The following FOXP2 variants were observed in gnomAD, a reference collection of about 807,000 sequenced individuals.
The protein encoded by FOXP2 is forkhead box P2.
In FOXP2, 12 loss-of-function variants were observed where a neutral mutation model predicts 115.8. The observed-to-expected ratio is 0.10, with a 90% CI of 0.07 to 0.17. The LOEUF is 0.17. Ranked by LOEUF, FOXP2 falls within the 10% of genes least tolerant of loss-of-function variation. The probability of loss-of-function intolerance (pLI) is 1.00; values close to 1 mark genes in which losing one functional copy is unlikely to be tolerated. For synonymous variants in FOXP2, 328 were observed against 297.7 expected, an observed-to-expected ratio of 1.10 and a Z score of -1.05; for missense variants, 629 against 843.5, an observed-to-expected ratio of 0.75 and a Z score of 3.15.
At chr7:114,174,371 A>T (rs527558131) in intron 1 of FOXP2, among the ~76,000 whole-genome samples, 1 of 152,024 alleles carries the variant, frequency 6.6e-6, no homozygotes, top group Non-Finnish European at 1.5e-5. Context: ...AAGTTATTTT[A>T]AAAGTTATTA....
In FOXP2 at chr7:114,414,901, C is replaced by G. The variant is rs1793265192; in HGVS notation, c.-470C>G. 1 of 357,402 alleles carries G rather than the reference C, an allele frequency of 2.8e-6. No individual in the cohort carries two copies. Among genetic ancestry groups the G allele is most frequent in the Admixed American group, 3.6e-5 (1 of 27,924 alleles). 22.1% of individuals were successfully genotyped at this position (357,402 alleles called of 1,614,324 possible). ...TCTGTCTTTCTCTCTCTCACACACA[C>G]ACTCACACACTCACACACATGCACA... is the stretch of plus-strand genomic sequence containing the variant. On this transcript the variant is annotated 5_prime_UTR_variant, in exon 1 of 17. Coordinates refer to ENST00000350908, the MANE Select transcript of FOXP2 (RefSeq NM_014491.4).
rs769531286 is a variant in FOXP2 at position 114,629,861 on chromosome 7, GCAGCAGCAGCAGCAA to G, written c.471_485del (p.Gln187_Gln191del). ...AAGAGCAGTTACATCTTCAGCTTTT[GCAGCAGCAGCAGCAA>G]CAGCAGCAGCAGCAACAACAGCAGC... On this transcript the variant is annotated inframe_deletion, in exon 5 of 17. Transcript: ENST00000350908. The G allele has an allele frequency of 2.0e-5, 32 of 1,611,376 alleles. No homozygotes were observed. Among genetic ancestry groups the G allele is most frequent in the East Asian group, 1.1e-4 (5 of 44,790 alleles).
At chr7:114,623,124 T>G (rs1804343288) in intron 3 of FOXP2, among the ~76,000 whole-genome samples, 1 of 151,980 alleles carries the variant, frequency 6.6e-6, no homozygotes, top group African/African-American at 2.4e-5. Context: ...TTATTGATTT[T>G]GTTTGTATTC....
chr7:114,322,951 G>A (rs769629764), intron 2 of FOXP2, among the ~76,000 whole-genome samples: 2 of 152,128 alleles, frequency 1.3e-5, no homozygotes, highest in Non-Finnish European at 2.9e-5. Context: ...TGTCATCAAT[G>A]TCACAGAGAA....
chr7:114,406,906 C>A (rs1022778940), intron 2 of FOXP2, among the ~76,000 whole-genome samples: 2 of 151,790 alleles, frequency 1.3e-5, no homozygotes, highest in Non-Finnish European at 2.9e-5. Context: ...CATTAAAATA[C>A]AAAATTAGAA....
At chr7:114,583,059 C>T (rs1452833479) in intron 3 of FOXP2, among the ~76,000 whole-genome samples, 1 of 152,084 alleles carries the variant, frequency 6.6e-6, no homozygotes, top group Admixed American at 6.6e-5. Context: ...AAATAGGCAC[C>T]TTGCTCTTAG....
chr7:114,618,269 A>T (rs1477515445), intron 3 of FOXP2, among the ~76,000 whole-genome samples: 14 of 152,220 alleles, frequency 9.2e-5, no homozygotes. Flanking sequence ...AGTTGAAAGT[A>T]TGGTTATAAC....
chr7:114,573,375 T>A (rs1318139172), intron 3 of FOXP2, among the ~76,000 whole-genome samples: 1 of 151,788 alleles, frequency 6.6e-6, no homozygotes, highest in Non-Finnish European at 1.5e-5. Flanking sequence ...TGGACATGGT[T>A]CTGTTTTAGT....
At chr7:114,182,521 A>T (rs943912960) in intron 1 of FOXP2, among the ~76,000 whole-genome samples, 2 of 152,072 alleles carry the variant, frequency 1.3e-5, no homozygotes, top group African/African-American at 4.8e-5. Flanking sequence ...TCTTTCAAAT[A>T]TCAAGAGATA....
chr7:114,347,169 A>G (rs1271262774), intron 2 of FOXP2, among the ~76,000 whole-genome samples: 2 of 151,966 alleles, frequency 1.3e-5, no homozygotes, highest in Admixed American at 1.3e-4. Context: ...AACATAATTA[A>G]CATTAAGGTC....
chr7:114,581,738 C>T (rs909037443), intron 3 of FOXP2, among the ~76,000 whole-genome samples: 6 of 152,150 alleles, frequency 3.9e-5, no homozygotes, highest in African/African-American at 1.2e-4. Flanking sequence ...GTTTTCACTG[C>T]GCTACAAATC....
In FOXP2 at chr7:114,692,214, T is replaced by A. The variant is rs921585885; in HGVS notation, c.*2288T>A. On this transcript the variant is annotated 3_prime_UTR_variant, in exon 17 of 17. Transcript: ENST00000350908. Reference sequence around the variant, plus strand: ...GAGGGACTGGAAGTAACTGCGAGAGTTGTACCATCAGAAGGGTGGCCTAAG... The same window carrying A: ...GAGGGACTGGAAGTAACTGCGAGAGATGTACCATCAGAAGGGTGGCCTAAG... 11 of 453,648 alleles carry A rather than the reference T, an allele frequency of 2.4e-5. No individual in the cohort carries two copies. The Admixed American group carries it at 2.6e-4, about 11-fold the overall frequency. 28.1% of individuals were successfully genotyped at this position (453,648 alleles called of 1,614,324 possible). A position where few individuals can be genotyped will look rare whatever the true frequency, so the allele number is the denominator to read the frequency against.
At position 114,166,782 on chromosome 7, in the gene FOXP2, A is replaced by T. The variant is rs192634627; in HGVS notation, c.-102+3694A>T. On this transcript the variant is annotated intron_variant, in intron 1 of 17. Transcript: ENST00000634411. ...GACAAGAGCTCTAAACATATACCTA[A>T]CTAAAGAAGATTTACATATGGCAAG... is the stretch of plus-strand genomic sequence containing the variant. Among the ~76,000 whole-genome samples, 13 of 152,312 alleles carry T rather than the reference A, an allele frequency of 8.5e-5. No homozygotes were observed. The East Asian group carries it at 2.5e-3, about 29-fold the overall frequency.
At chr7:114,238,721 A>G in intron 1 of FOXP2, among the ~76,000 whole-genome samples, 1 of 152,034 alleles carries the variant, frequency 6.6e-6, no homozygotes, top group Non-Finnish European at 1.5e-5. Flanking sequence ...GCAGTGAGCC[A>G]AGATCATGCC....
chr7:114,515,957 T>A (rs1179820251), intron 2 of FOXP2, among the ~76,000 whole-genome samples: 3 of 152,104 alleles, frequency 2.0e-5, no homozygotes, highest in Non-Finnish European at 4.4e-5. Context: ...GTAGGAAGAA[T>A]CAATATCATG....
At chr7:114,134,669 C>T (rs1319693978) in intron 1 of FOXP2, among the ~76,000 whole-genome samples, 4 of 149,768 alleles carry the variant, frequency 2.7e-5, no homozygotes, top group African/African-American at 4.9e-5. Context: ...GCCGAGATCC[C>T]GCCACTGCAC....
At chr7:114,647,355 T>C (rs1486361165) in intron 8 of FOXP2, among the ~76,000 whole-genome samples, 1 of 151,304 alleles carries the variant, frequency 6.6e-6, no homozygotes, top group South Asian at 2.1e-4. Flanking sequence ...AACACATATA[T>C]ATGTACCTGT....
chr7:114,457,847 G>A (rs1367424542), intron 2 of FOXP2, among the ~76,000 whole-genome samples: 1 of 149,032 alleles, frequency 6.7e-6, no homozygotes, highest in Non-Finnish European at 1.5e-5. Flanking sequence ...GCAGTGAGCC[G>A]AGATCGTGCC....
intron 6 of FOXP2, among the ~76,000 whole-genome samples, chr7:114,637,108 A>T (rs1308601045): frequency 2.0e-5 from 3 of 152,164 alleles, no homozygotes; most frequent in Admixed American, 6.5e-5. Context: ...ACTTCAGCCC[A>T]GGTCAGGGCT....
Sources: allele counts gnomAD v4.1 joint callset (sites outside exome capture counted in the v4.1 genomes callset), GRCh38; gene constraint gnomAD v4.1.1; transcripts MANE v1.5; gene names NCBI Gene and HGNC (gene_info 2026-07-23, HGNC 2026-07-21).